Variants in SIM2 observed in about 807,000 individuals in gnomAD.
SIM2 encodes SIM bHLH transcription factor 2.
A neutral mutation model predicts 64.8 loss-of-function variants in SIM2; 28 were observed. The observed-to-expected ratio is 0.43, with a 90% confidence interval of 0.32 to 0.59. The LOEUF is 0.59. Among genes scored for constraint, SIM2 ranks in the 20% least tolerant of loss-of-function variants. SIM2 has a pLI of 0.07. For missense variants in SIM2, 847 were observed against 871.4 expected (o/e 0.97, Z 0.35); for synonymous variants, 408 against 391.1 (o/e 1.04, Z -0.51).
At chr21:36,735,503 G>A (rs1176941475) in intron 7 of SIM2, among the ~76,000 whole-genome samples, 2 of 152,204 alleles carry the variant, frequency 1.3e-5, no homozygotes, top group East Asian at 1.9e-4. Flanking sequence ...TGCTGTGTGA[G>A]GGCTGAGGGA....
chr21:36,720,195 T>C, intron 4 of SIM2: 1 of 419,072 alleles, frequency 2.4e-6, no homozygotes, highest in Non-Finnish European at 4.4e-6. Context: ...GGTGCAAGCC[T>C]GCTCCCCTCG....
At chr21:36,737,684 T>G (rs79431348) in intron 7 of SIM2, among the ~76,000 whole-genome samples, 1 of 152,142 alleles carries the variant, frequency 6.6e-6, no homozygotes, top group East Asian at 1.9e-4. Flanking sequence ...ACACAGGCCA[T>G]GTGCAGCTAT....
At position 36,731,151 on chromosome 21, in the gene SIM2, C is replaced by T. The variant is rs139841287; in HGVS notation, c.850C>T (p.Leu284=). ...CCACCTCCGCTACGCACACCACCTCCGTGAGTAGCACGCCCACCCCAGCCA... is the reference window on the plus strand; with the variant it reads ...CCACCTCCGCTACGCACACCACCTCTGTGAGTAGCACGCCCACCCCAGCCA... The part of the protein sequence containing the change: ...VFHLRYAHHL[L]LVKGQVTTKY... The change falls in exon 7 of 11, where the codon CTG becomes TTG. Residue 284 remains leucine, a splice_region_variant and synonymous_variant. Coordinates refer to ENST00000290399, the MANE Select transcript of SIM2 (RefSeq NM_005069.6). 1.3e-4 allele frequency: 202 copies of T among 1,611,674 alleles called. 1 individual carries two copies. In the African/African-American group the frequency reaches 2.3e-3, roughly 19 times the overall value.
chr21:36,716,746 A>G (rs1169018170), intron 3 of SIM2, among the ~76,000 whole-genome samples: 2 of 152,220 alleles, frequency 1.3e-5, no homozygotes, highest in East Asian at 3.8e-4. Context: ...CTTAGTAGGA[A>G]AGCTATCCAT....
chr21:36,704,879 C>A (rs2088557530), intron 1 of SIM2, among the ~76,000 whole-genome samples: 1 of 152,150 alleles, frequency 6.6e-6, no homozygotes, highest in Non-Finnish European at 1.5e-5. Flanking sequence ...TGGAAAAAGG[C>A]GCAAGAAGCG....
chr21:36,699,893 C>T lies in SIM2; in HGVS notation c.147C>T (p.Tyr49=), dbSNP rs1269267204. 6.2e-7 allele frequency: 1 copy of T among 1,606,626 alleles called. No homozygotes were observed. The highest frequency in any genetic ancestry group is 1.3e-5 in the African/African-American group (1 of 74,748). ...KASIIRLTTS[Y]LKMRAVFPEG... ...CCATCATCCGCCTCACCACGAGCTACCTGAAGATGCGCGCCGTCTTCCCCG... is the reference window on the plus strand; with the variant it reads ...CCATCATCCGCCTCACCACGAGCTATCTGAAGATGCGCGCCGTCTTCCCCG... Residue 49 remains tyrosine (Y), a synonymous_variant, in exon 1 of 11, where the codon TAC becomes TAT. Coordinates refer to ENST00000290399, the MANE Select transcript of SIM2 (RefSeq NM_005069.6). The surrounding 1 kb of genome is among the most constrained non-coding windows in gnomAD (Gnocchi z 5.6).
At chr21:36,744,669 G>A (rs751535735) in intron 9 of SIM2, 59 bp from the exon 10 acceptor site, 18 of 1,505,592 alleles carry the variant, frequency 1.2e-5, no homozygotes, top group South Asian at 1.1e-4. Flanking sequence ...TTGCAGGGCC[G>A]GAAGGCAGCT....
At chr21:36,746,450 T>C (rs927640176) in intron 10 of SIM2, 2 of 152,280 alleles carry the variant, frequency 1.3e-5, no homozygotes, top group Non-Finnish European at 2.9e-5. Flanking sequence ...CTGGGCCTCA[T>C]CCTGCTTTTT....
At position 36,740,009 on chromosome 21, in the gene SIM2, G is replaced by GAGAAAGAAAGAAAGAA. The variant is rs71840582; in HGVS notation, c.851-1672_851-1657dup. ...AAAGAAGAGAAGAAAGAAAGAAAGA[G>GAGAAAGAAAGAAAGAA]AGAAAGAAAGAAAGAAAGAAAGAAA... On this transcript the variant is annotated intron_variant, in intron 7 of 10. Coordinates refer to ENST00000290399, the MANE Select transcript of SIM2 (RefSeq NM_005069.6). 4.7e-3 allele frequency among the ~76,000 whole-genome samples: 611 copies of GAGAAAGAAAGAAAGAA among 131,244 alleles called. 4 individuals are homozygous for GAGAAAGAAAGAAAGAA. Among genetic ancestry groups the GAGAAAGAAAGAAAGAA allele is most frequent in the African/African-American group, 0.014 (457 of 32,618 alleles). The allele number at this position is 131,244 out of a possible 152,430, so 86.1% of individuals were successfully genotyped here. A position where few individuals can be genotyped will look rare whatever the true frequency, so the allele number is the denominator to read the frequency against.
intron 7 of SIM2, 25 bp downstream of exon 7, chr21:36,731,176 A>G (rs979212526): frequency 6.9e-6 from 11 of 1,584,178 alleles, no homozygotes; most frequent in Non-Finnish European, 9.5e-6. Context: ...CACCCCAGCC[A>G]CGGGAGGTAG....
chr21:36,719,325 GGC>G (rs2088789503), intron 3 of SIM2, among the ~76,000 whole-genome samples: 1 of 152,280 alleles, frequency 6.6e-6, no homozygotes, highest in Non-Finnish European at 1.5e-5. Flanking sequence ...CGGGCGCAGT[GGC>G]GCCCCTGCCG....
intron 7 of SIM2, among the ~76,000 whole-genome samples, chr21:36,738,369 G>A (rs2089103953): frequency 6.6e-6 from 1 of 152,144 alleles, no homozygotes; most frequent in Admixed American, 6.5e-5. Flanking sequence ...GCCGGGTGTG[G>A]TCGTGGGTGC....
chr21:36,720,269 C>A, intron 4 of SIM2: 1 of 237,388 alleles, frequency 4.2e-6, no homozygotes, highest in Non-Finnish European at 8.3e-6. Context: ...TCTCCTTAAC[C>A]AAGATGCCGT....
intron 1 of SIM2, among the ~76,000 whole-genome samples, chr21:36,702,962 C>T (rs568996514): frequency 8.3e-6 from 1 of 120,408 alleles, no homozygotes; most frequent in Non-Finnish European, 1.9e-5. Flanking sequence ...AAAAGAATAG[C>T]ATAGTCCTAA....
At chr21:36,702,762 G>T (rs1291516292) in intron 1 of SIM2, among the ~76,000 whole-genome samples, 1 of 151,944 alleles carries the variant, frequency 6.6e-6, no homozygotes, top group African/African-American at 2.4e-5. Context: ...GGTGGCCCTA[G>T]GGAGGTTTTA....
chr21:36,723,478 T>C (rs951740300), intron 5 of SIM2, among the ~76,000 whole-genome samples: 2 of 152,178 alleles, frequency 1.3e-5, no homozygotes, highest in Non-Finnish European at 2.9e-5. Context: ...CTGGCAGTGG[T>C]ATCCAGAGCA....
chr21:36,711,711 G>A (rs921605965), intron 2 of SIM2, among the ~76,000 whole-genome samples: 1 of 152,066 alleles, frequency 6.6e-6, no homozygotes, highest in Non-Finnish European at 1.5e-5. Context: ...GCTTTTCTTT[G>A]GTTCTGGATC....
chr21:36,707,382 C>T (rs1417355317), intron 1 of SIM2, among the ~76,000 whole-genome samples: 1 of 152,024 alleles, frequency 6.6e-6, no homozygotes, highest in Non-Finnish European at 1.5e-5. Context: ...GGTGGTGATG[C>T]GGGGTGAGCG....
At chr21:36,724,833 C>T (rs2088868866) in intron 5 of SIM2, among the ~76,000 whole-genome samples, 1 of 152,150 alleles carries the variant, frequency 6.6e-6, no homozygotes, top group Non-Finnish European at 1.5e-5. Flanking sequence ...GTCAAGATTT[C>T]ACAGACTGCA....
Sources: allele counts gnomAD v4.1 joint callset (sites outside exome capture counted in the v4.1 genomes callset), GRCh38; gene constraint gnomAD v4.1.1; non-coding constraint Gnocchi (gnomAD v3.1); transcripts MANE v1.5; gene names NCBI Gene and HGNC (gene_info 2026-07-23, HGNC 2026-07-21).